The following ABHD17C variants were observed in gnomAD, a reference collection of about 807,000 sequenced individuals.
ABHD17C encodes the protein alpha/beta hydrolase domain-containing protein 17C.
Under a neutral mutation model 27.9 loss-of-function variants are expected in ABHD17C, and 11 were observed. That is an observed-to-expected ratio of 0.39 (90% CI 0.25 to 0.65). The LOEUF is 0.65. Among genes scored for constraint, ABHD17C ranks in the 30% least tolerant of loss-of-function variants. ABHD17C has a pLI of 0.45. For synonymous variants in ABHD17C, 233 were observed against 209.1 expected (o/e 1.11, Z -0.98); for missense variants, 280 against 470.2 (o/e 0.60, Z 3.74).
chr15:80,729,821 GA>G (rs1895033210), intron 1 of ABHD17C, among the ~76,000 whole-genome samples: 2 of 152,254 alleles, frequency 1.3e-5, no homozygotes, highest in African/African-American at 4.8e-5. Flanking sequence ...TGAAAGAGGA[GA>G]GAACTCAGGC....
chr15:80,737,874 G>A lies in ABHD17C; in HGVS notation c.591-11639G>A, dbSNP rs897800633. ...GAGAAAAGAAAATGTTGGAATAGTC[G>A]GATGGGGCTAGATTGTGGACATGGA... On this transcript the variant is annotated intron_variant, in intron 1 of 2. Transcript: ENST00000258884. Among the ~76,000 whole-genome samples, 7 of 152,156 alleles carry A rather than the reference G, an allele frequency of 4.6e-5. No individual in the cohort carries two copies. In the East Asian group the frequency reaches 5.8e-4, roughly 13 times the overall value.
chr15:80,724,207 T>G (rs1388201398), intron 1 of ABHD17C, among the ~76,000 whole-genome samples: 1 of 151,926 alleles, frequency 6.6e-6, no homozygotes, highest in Non-Finnish European at 1.5e-5. Context: ...TCAGGTGTGG[T>G]GGGGCATGCC....
At chr15:80,706,149 G>A (rs1894645645) in intron 1 of ABHD17C, among the ~76,000 whole-genome samples, 1 of 152,236 alleles carries the variant, frequency 6.6e-6, no homozygotes, top group Admixed American at 6.5e-5. Flanking sequence ...TGAACAGCAA[G>A]CTTCCTTTTA....
chr15:80,751,308 C>T (rs1000634457), intron 2 of ABHD17C, among the ~76,000 whole-genome samples: 21 of 151,736 alleles, frequency 1.4e-4, no homozygotes, highest in African/African-American at 3.9e-4. Context: ...TGCAGTGAGC[C>T]GAGATCGCAC....
chr15:80,751,217 G>A (rs940998233), intron 2 of ABHD17C, among the ~76,000 whole-genome samples: 4 of 151,720 alleles, frequency 2.6e-5, no homozygotes, highest in Admixed American at 6.6e-5. Flanking sequence ...ATAATTAGAC[G>A]AGCGTGGTGG....
intron 1 of ABHD17C, among the ~76,000 whole-genome samples, chr15:80,718,885 G>A (rs7171941): frequency 0.43 from 64,674 of 151,964 alleles, 14,766 homozygotes; most frequent in East Asian, 0.59. Flanking sequence ...AACTTTGTCA[G>A]TCAGTCTGAA....
At chr15:80,710,857 A>G (rs1372613561) in intron 1 of ABHD17C, among the ~76,000 whole-genome samples, 1 of 151,990 alleles carries the variant, frequency 6.6e-6, no homozygotes, top group Non-Finnish European at 1.5e-5. Flanking sequence ...GATTACAGGC[A>G]TGAGCCACCG....
intron 1 of ABHD17C, among the ~76,000 whole-genome samples, chr15:80,718,061 ACAAAACAG>A (rs1894832697): frequency 1.3e-5 from 2 of 152,264 alleles, no homozygotes; most frequent in South Asian, 4.1e-4. Context: ...TAAAAACAAA[ACAAAACAG>A]AAGCCTACTT....
intron 1 of ABHD17C, among the ~76,000 whole-genome samples, chr15:80,740,578 A>G (rs1487197058): frequency 6.6e-6 from 1 of 152,154 alleles, no homozygotes; most frequent in Non-Finnish European, 1.5e-5. Flanking sequence ...GTGCTCAGGT[A>G]CAGAGACATA....
intron 1 of ABHD17C, among the ~76,000 whole-genome samples, chr15:80,747,082 C>T (rs1206532999): frequency 1.3e-5 from 2 of 152,138 alleles, no homozygotes; most frequent in African/African-American, 2.4e-5. Context: ...CACTTCTCTC[C>T]TCCTCTTATA....
intron 1 of ABHD17C, among the ~76,000 whole-genome samples, chr15:80,701,701 A>T (rs1026026783): frequency 2.6e-5 from 4 of 151,928 alleles, no homozygotes; most frequent in African/African-American, 9.7e-5. Flanking sequence ...AACAAATGTT[A>T]TGAATACTGT....
chr15:80,742,081 T>C (rs1895218440), intron 1 of ABHD17C, among the ~76,000 whole-genome samples: 1 of 152,186 alleles, frequency 6.6e-6, no homozygotes, highest in Admixed American at 6.5e-5. Context: ...AGTTGAGCTG[T>C]AGGTAATTGA....
intron 1 of ABHD17C, among the ~76,000 whole-genome samples, chr15:80,746,955 A>G (rs1340827120): frequency 6.6e-6 from 1 of 152,222 alleles, no homozygotes; most frequent in Non-Finnish European, 1.5e-5. Context: ...TTATCAAAGA[A>G]GGTGAGGGCT....
At chr15:80,708,823 A>C (rs971595863) in intron 1 of ABHD17C, among the ~76,000 whole-genome samples, 1 of 152,222 alleles carries the variant, frequency 6.6e-6, no homozygotes, top group African/African-American at 2.4e-5. Flanking sequence ...AGGCCTTGTT[A>C]AAATAGATGC....
rs754204125 is a variant in ABHD17C at position 80,754,128 on chromosome 15, C to T, written c.771-23C>T. ...CATAACTAATGGAGTCCTCTTTCTGCCTCCCCCCTTTCTGTTTTGCAGCAT... is the reference window on the plus strand; with the variant it reads ...CATAACTAATGGAGTCCTCTTTCTGTCTCCCCCCTTTCTGTTTTGCAGCAT... On this transcript the variant is annotated intron_variant, in intron 2 of 2. Coordinates refer to ENST00000258884, the MANE Select transcript of ABHD17C (RefSeq NM_021214.2). The T allele has an allele frequency of 4.6e-6, 7 of 1,536,414 alleles. No homozygotes were observed. The East Asian group carries it at 1.1e-4, about 25-fold the overall frequency.
At chr15:80,720,367 A>G (rs1048445249) in intron 1 of ABHD17C, among the ~76,000 whole-genome samples, 4 of 151,638 alleles carry the variant, frequency 2.6e-5, no homozygotes, top group African/African-American at 9.7e-5. Flanking sequence ...GAAGTTTGTA[A>G]TATCTTCAAA....
intron 1 of ABHD17C, among the ~76,000 whole-genome samples, chr15:80,697,484 T>C (rs1946312585): frequency 6.6e-6 from 1 of 152,252 alleles, no homozygotes; most frequent in South Asian, 2.1e-4. Flanking sequence ...GATTTTTTAA[T>C]TGAAGAGTTT....
chr15:80,751,789 C>A (rs1895369920), intron 2 of ABHD17C, among the ~76,000 whole-genome samples: 1 of 152,148 alleles, frequency 6.6e-6, no homozygotes, highest in Admixed American at 6.5e-5. Context: ...TGATTGGAGA[C>A]AACAAAGGAG....
intron 1 of ABHD17C, among the ~76,000 whole-genome samples, chr15:80,716,755 G>A (rs542087904): frequency 2.9e-4 from 44 of 152,302 alleles, no homozygotes; most frequent in African/African-American, 1.1e-3. Flanking sequence ...CCTGGGTGAA[G>A]TAGATTAAAT....
Sources: allele counts gnomAD v4.1 joint callset (sites outside exome capture counted in the v4.1 genomes callset), GRCh38; gene constraint gnomAD v4.1.1; transcripts MANE v1.5; gene names NCBI Gene and HGNC (gene_info 2026-07-23, HGNC 2026-07-21).